The following TNR variants were observed in gnomAD, a reference collection of about 807,000 sequenced individuals.
TNR encodes tenascin-R.
A neutral mutation model predicts 150.4 loss-of-function variants in TNR; 45 were observed. The ratio of observed to expected loss-of-function variants is 0.30; its 90% CI spans 0.24 to 0.38. The LOEUF (loss-of-function observed/expected upper bound fraction) is 0.38. Among genes scored for constraint, TNR ranks in the 10% least tolerant of loss-of-function variants. The pLI, the probability that TNR is intolerant of heterozygous loss-of-function variation, is 1.00. For missense variants in TNR, 1,544 were observed against 1,759.1 expected, an observed-to-expected ratio of 0.88 and a Z score of 2.19; for synonymous variants, 687 against 678.4, an observed-to-expected ratio of 1.01 and a Z score of -0.20.
chr1:175,327,696 C>G (rs1267406759), intron 21 of TNR, among the ~76,000 whole-genome samples: 7 of 152,236 alleles, frequency 4.6e-5, no homozygotes, highest in Admixed American at 4.6e-4. Context: ...ACAGCATCTG[C>G]TCCTTCTGTA....
chr1:175,683,665 C>T (rs1174976124), intron 1 of TNR, among the ~76,000 whole-genome samples: 1 of 152,110 alleles, frequency 6.6e-6, no homozygotes, highest in Non-Finnish European at 1.5e-5. Context: ...CCCACCTCAG[C>T]TCAAACACCT....
At chr1:175,519,438 G>A (rs769474055) in intron 2 of TNR, among the ~76,000 whole-genome samples, 9 of 152,156 alleles carry the variant, frequency 5.9e-5, no homozygotes, top group Non-Finnish European at 8.8e-5. Flanking sequence ...TTGATTGAAG[G>A]ACCAAAAATG....
chr1:175,363,561 C>T (rs1345747804), intron 13 of TNR, 147 bp downstream of exon 13: 15 of 1,070,192 alleles, frequency 1.4e-5, no homozygotes, highest in Non-Finnish European at 2.0e-5. Flanking sequence ...TTCTTGGCTG[C>T]TCACCAGCCC....
intron 9 of TNR, among the ~76,000 whole-genome samples, chr1:175,378,317 CA>C (rs1652506558): frequency 1.3e-5 from 2 of 152,106 alleles, no homozygotes; most frequent in Non-Finnish European, 2.9e-5. Context: ...TTCATTCATT[CA>C]TTCATTCATT....
At chr1:175,334,842 G>C (rs919827204) in intron 20 of TNR, among the ~76,000 whole-genome samples, 1 of 152,120 alleles carries the variant, frequency 6.6e-6, no homozygotes, top group African/African-American at 2.4e-5. Flanking sequence ...TTTCTTTATT[G>C]CAATAATGCT....
At chr1:175,331,118 C>CTTTCTTTCTTTCTTTCTCTCTCTCTTTCT (rs1649859971) in intron 20 of TNR, among the ~76,000 whole-genome samples, 2 of 107,340 alleles carry the variant, frequency 1.9e-5, no homozygotes, top group African/African-American at 4.3e-5. Context: ...TCTTTCTTTT[C>CTTTCTTTCTTTCTTTCTCTCTCTCTTTCT]TTTCTTTCTT....
Position 175,379,620 on chromosome 1 carries a change from G to T in TNR, c.1895C>A (p.Ala632Glu), listed in dbSNP as rs545364805. The T allele has an allele frequency of 1.2e-6, 2 of 1,614,110 alleles. No individual in the cohort carries two copies. Among genetic ancestry groups the T allele is most frequent in the South Asian group, 1.1e-5 (1 of 91,076 alleles). ...QEYKVVYSTL[A>E]GEQYHEVLVP... Reference sequence around the variant, plus strand: ...CAGTACCTCATGATATTGCTCACCCGCCAGGGTGCTGTACACAACCTTGTA... The same window carrying T: ...CAGTACCTCATGATATTGCTCACCCTCCAGGGTGCTGTACACAACCTTGTA... The change falls in exon 9 of 23, where the codon GCG (alanine) becomes GAG (glutamate). Residue 632 changes from alanine to glutamate, a missense_variant. By Grantham distance (107) the Ala-to-Glu change is moderately radical. Around this residue, in one of 2 missense-constraint regions of TNR, gnomAD observed 1,254 missense variants for 1,329.4 expected, o/e 0.94. Transcript: ENST00000367674.
chr1:175,568,643 C>T (rs1174137135), intron 1 of TNR, among the ~76,000 whole-genome samples: 2 of 152,148 alleles, frequency 1.3e-5, no homozygotes, highest in Non-Finnish European at 2.9e-5. Flanking sequence ...GCCTCCCATC[C>T]AATCCTGGAT....
At chr1:175,480,107 C>G (rs577168319) in intron 2 of TNR, among the ~76,000 whole-genome samples, 4 of 152,004 alleles carry the variant, frequency 2.6e-5, no homozygotes, top group South Asian at 2.1e-4. Context: ...TCAGAACTGA[C>G]GGTGACCTAA....
At chr1:175,379,817 T>C in intron 8 of TNR, 80 bp from the exon 9 acceptor site, 1 of 1,501,052 alleles carries the variant, frequency 6.7e-7, no homozygotes, top group Non-Finnish European at 9.1e-7. Context: ...TCTGAAAAGA[T>C]TGGTGGTGAC....
At chr1:175,649,927 AT>A (rs566866022) in intron 1 of TNR, among the ~76,000 whole-genome samples, 6 of 150,788 alleles carry the variant, frequency 4.0e-5, no homozygotes, top group African/African-American at 1.2e-4. Context: ...TGTTTCCCTC[AT>A]TTTTTTTTGA....
chr1:175,549,079 G>A (rs1260614719), intron 1 of TNR, among the ~76,000 whole-genome samples: 1 of 152,190 alleles, frequency 6.6e-6, no homozygotes, highest in Non-Finnish European at 1.5e-5. Context: ...ACCTGATTAT[G>A]TGTGCCATTA....
chr1:175,449,391 G>A (rs1340661378), intron 2 of TNR, among the ~76,000 whole-genome samples: 1 of 152,072 alleles, frequency 6.6e-6, no homozygotes, highest in Non-Finnish European at 1.5e-5. Flanking sequence ...CTCAAGGGTG[G>A]GCTAGTCCCA....
chr1:175,570,193 G>T (rs754595117), intron 1 of TNR, among the ~76,000 whole-genome samples: 1 of 152,158 alleles, frequency 6.6e-6, no homozygotes, highest in Admixed American at 6.5e-5. Context: ...CCAAACTGCT[G>T]ATTTGTGATC....
At chr1:175,379,772 G>A (rs774392698) in intron 8 of TNR, 35 bp from the exon 9 acceptor site, 2 of 1,606,644 alleles carry the variant, frequency 1.2e-6, no homozygotes, top group East Asian at 4.5e-5. Flanking sequence ...CATCGCACAT[G>A]ATAATGTAAT....
intron 5 of TNR, among the ~76,000 whole-genome samples, chr1:175,394,375 G>A (rs1256579569): frequency 6.6e-6 from 1 of 152,116 alleles, no homozygotes; most frequent in African/African-American, 2.4e-5. Flanking sequence ...CTAAAGTTGT[G>A]GAGCAAACCA....
intron 1 of TNR, among the ~76,000 whole-genome samples, chr1:175,736,792 T>C (rs1667784889): frequency 6.6e-6 from 1 of 151,628 alleles, no homozygotes; most frequent in Admixed American, 6.6e-5. Context: ...GGTGGGAGGA[T>C]CACTTAAAGC....
intron 2 of TNR, among the ~76,000 whole-genome samples, chr1:175,414,191 C>A (rs1235766389): frequency 6.6e-6 from 1 of 151,858 alleles, no homozygotes; most frequent in African/African-American, 2.4e-5. Flanking sequence ...AAATAAATTT[C>A]TTTTGCTCAT....
chr1:175,384,802 A>C (rs1009810440), intron 8 of TNR, among the ~76,000 whole-genome samples: 5 of 152,216 alleles, frequency 3.3e-5, no homozygotes, highest in African/African-American at 1.2e-4. Context: ...CACAGTGGCC[A>C]TCCAGTTTGC....
Sources: gnomAD v4.1 joint callset for allele counts (sites outside exome capture counted in the v4.1 genomes callset) on GRCh38, gnomAD v4.1.1 for gene constraint, gnomAD v4.1.1 regional missense constraint, MANE v1.5 for transcripts, NCBI Gene and HGNC (gene_info 2026-07-23, HGNC 2026-07-21) for gene names.